Variants in EIF2B3 observed in about 807,000 individuals in gnomAD.
EIF2B3 encodes eukaryotic translation initiation factor 2B subunit gamma.
Under a neutral mutation model 54.1 loss-of-function variants are expected in EIF2B3, and 20 were observed. The observed-to-expected ratio is 0.37, with a 90% CI of 0.26 to 0.54. The LOEUF (loss-of-function observed/expected upper bound fraction) is 0.54, where lower values mean the gene tolerates loss of function less well. Ranked by LOEUF, EIF2B3 falls within the 20% of genes least tolerant of loss-of-function variation. The pLI is 0.86. For synonymous variants in EIF2B3, 153 were observed against 188.1 expected (o/e 0.81, Z 1.52); for missense variants, 448 against 547.8 (o/e 0.82, Z 1.82).
At chr1:44,974,440 C>T (rs928494497) in intron 3 of EIF2B3, among the ~76,000 whole-genome samples, 1 of 148,878 alleles carries the variant, frequency 6.7e-6, no homozygotes, top group Non-Finnish European at 1.5e-5. Context: ...AGCCACTGCA[C>T]TCCAGCCTGG....
intron 3 of EIF2B3, among the ~76,000 whole-genome samples, chr1:44,962,762 T>C (rs890006173): frequency 6.6e-6 from 1 of 152,218 alleles, no homozygotes; most frequent in African/African-American, 2.4e-5. Flanking sequence ...AAGGAACTTA[T>C]TTTAAATGTT....
At chr1:44,907,868 C>A (rs1217525978) in intron 5 of EIF2B3, among the ~76,000 whole-genome samples, 2 of 108,906 alleles carry the variant, frequency 1.8e-5, no homozygotes, top group African/African-American at 7.4e-5. Flanking sequence ...CCAGTCTGGG[C>A]AACAAGAGCG....
chr1:44,900,551 C>T (rs1176950984), intron 5 of EIF2B3, among the ~76,000 whole-genome samples: 2 of 151,546 alleles, frequency 1.3e-5, no homozygotes, highest in Non-Finnish European at 1.5e-5. Context: ...GTTCTATGCT[C>T]ACTACCTGGG....
chr1:44,939,971 G>A (rs7555900), intron 4 of EIF2B3, among the ~76,000 whole-genome samples: 11,645 of 152,126 alleles, frequency 0.077, 1,520 homozygotes, highest in African/African-American at 0.27. Flanking sequence ...CCTTGCAAAA[G>A]CAGAAACTAT....
chr1:44,972,290 T>C (rs112343736), intron 3 of EIF2B3, among the ~76,000 whole-genome samples: 6 of 67,770 alleles, frequency 8.9e-5, no homozygotes, highest in East Asian at 8.6e-4. Context: ...AACACACACA[T>C]GTATATACAC....
rs930207623 is a variant in EIF2B3, at chr1:44,850,784, G to T, written c.*167C>A. ...CACATGACACATGAACATACACTGT[G>T]TACACCTGGAGCCCACCTGACATGG... On this transcript the variant is annotated 3_prime_UTR_variant, in exon 12 of 12. Transcript: ENST00000360403. 8.5e-6 allele frequency: 6 copies of T among 704,766 alleles called. No individual in the cohort carries two copies. In the African/African-American group the frequency reaches 1.1e-4, roughly 12 times the overall value. 43.7% of individuals were successfully genotyped at this position (704,766 alleles called of 1,614,324 possible).
chr1:44,928,351 G>T (rs1044677684), intron 4 of EIF2B3, among the ~76,000 whole-genome samples: 1 of 152,144 alleles, frequency 6.6e-6, no homozygotes, highest in Admixed American at 6.6e-5. Flanking sequence ...GGAGGCTGAG[G>T]CAGGAGAATC....
At chr1:44,967,707 T>C (rs1262821816) in intron 3 of EIF2B3, among the ~76,000 whole-genome samples, 2 of 123,794 alleles carry the variant, frequency 1.6e-5, no homozygotes, top group African/African-American at 6.4e-5. Flanking sequence ...GCCATTGCAC[T>C]CCCGTCTGGC....
intron 3 of EIF2B3, among the ~76,000 whole-genome samples, chr1:44,953,901 G>C (rs1644195529): frequency 1.3e-5 from 2 of 152,170 alleles, no homozygotes; most frequent in African/African-American, 4.8e-5. Context: ...TTTTCAATTT[G>C]CTTGAAAGTA....
intron 3 of EIF2B3, among the ~76,000 whole-genome samples, chr1:44,955,365 C>T (rs943684388): frequency 5.3e-5 from 8 of 151,992 alleles, no homozygotes; most frequent in Admixed American, 1.3e-4. Flanking sequence ...AAAATTAAAT[C>T]GAGATGGATT....
intron 3 of EIF2B3, among the ~76,000 whole-genome samples, chr1:44,972,264 CACATATACACACACAAACACACACAT>C (rs748993056): frequency 0.047 from 4,000 of 85,394 alleles, 82 homozygotes; most frequent in East Asian, 0.12. Flanking sequence ...CACACACACA[CACATATACACACACAAACACACACAT>C]GTATATACAC....
chr1:44,907,290 T>A (rs1569683287), intron 5 of EIF2B3, among the ~76,000 whole-genome samples: 1 of 152,220 alleles, frequency 6.6e-6, no homozygotes, highest in Non-Finnish European at 1.5e-5. Flanking sequence ...CTGGGCGCGG[T>A]GGCTCATGCC....
intron 5 of EIF2B3, among the ~76,000 whole-genome samples, chr1:44,920,342 G>T (rs138474372): frequency 6.6e-6 from 1 of 151,956 alleles, no homozygotes; most frequent in Admixed American, 6.6e-5. Flanking sequence ...GGGTAAATGG[G>T]GGTATCCATT....
intron 7 of EIF2B3, 62 bp from the exon 8 acceptor site, chr1:44,880,070 C>A (rs762494860): frequency 7.0e-6 from 11 of 1,569,190 alleles, no homozygotes; most frequent in Non-Finnish European, 7.9e-6. Flanking sequence ...CAGATACAGA[C>A]TCAGTCAAGT....
chr1:44,925,967 C>A (rs527241939), intron 5 of EIF2B3, among the ~76,000 whole-genome samples: 1 of 151,954 alleles, frequency 6.6e-6, no homozygotes, highest in African/African-American at 2.4e-5. Context: ...GTGGCTCACG[C>A]CTGTAATCCT....
chr1:44,953,143 C>A, intron 3 of EIF2B3, among the ~76,000 whole-genome samples: 1 of 132,710 alleles, frequency 7.5e-6, no homozygotes, highest in Non-Finnish European at 1.6e-5. Context: ...AACTTGCCTC[C>A]ATAAGTGTAA....
At chr1:44,962,100 G>A (rs535256425) in intron 3 of EIF2B3, among the ~76,000 whole-genome samples, 1 of 152,258 alleles carries the variant, frequency 6.6e-6, no homozygotes, top group African/African-American at 2.4e-5. Flanking sequence ...GCTGAGACAG[G>A]AGAATCACTT....
chr1:44,866,269 G>A (rs1182855723), intron 10 of EIF2B3, among the ~76,000 whole-genome samples: 2 of 151,856 alleles, frequency 1.3e-5, no homozygotes, highest in South Asian at 2.1e-4. Context: ...ATGGTAGCAC[G>A]TGCCCGTAGT....
At chr1:44,886,477 A>G (rs79140832) in intron 6 of EIF2B3, among the ~76,000 whole-genome samples, 8,336 of 152,348 alleles carry the variant, frequency 0.055, 330 homozygotes, top group Non-Finnish European at 0.077. Context: ...CACAATAGTT[A>G]TCTCACAGTA....
Sources: gnomAD v4.1 joint callset for allele counts (sites outside exome capture counted in the v4.1 genomes callset) on GRCh38, gnomAD v4.1.1 for gene constraint, MANE v1.5 for transcripts, NCBI Gene and HGNC (gene_info 2026-07-23, HGNC 2026-07-21) for gene names.